Variants in WWOX observed in about 807,000 individuals in gnomAD.
The protein encoded by WWOX is WW domain-containing oxidoreductase.
A neutral mutation model predicts 46.2 loss-of-function variants in WWOX; 69 were observed. The observed-to-expected ratio is 1.49, with a 90% CI of 1.23 to 1.82. WWOX has a LOEUF of 1.82. Among genes scored for constraint, WWOX ranks in the 40% most tolerant of loss-of-function variants. WWOX has a pLI of 0.00. For missense variants in WWOX, 919 were observed against 542.6 expected, an observed-to-expected ratio of 1.69 and a Z score of -6.89; for synonymous variants, 359 against 202.6, an observed-to-expected ratio of 1.77 and a Z score of -6.56.
At chr16:78,842,095 T>C (rs1176205613) in intron 8 of WWOX, among the ~76,000 whole-genome samples, 1 of 152,162 alleles carries the variant, frequency 6.6e-6, no homozygotes, top group Non-Finnish European at 1.5e-5. Flanking sequence ...GGAAGTGTGT[T>C]TTGAACTGAG....
chr16:78,353,854 C>A (rs371400647), intron 5 of WWOX, among the ~76,000 whole-genome samples: 1 of 152,182 alleles, frequency 6.6e-6, no homozygotes, highest in Admixed American at 6.5e-5. Context: ...TTTACCCTTG[C>A]CCTTGATGTG....
At chr16:78,448,341 C>T (rs769195560) in intron 8 of WWOX, among the ~76,000 whole-genome samples, 21 of 152,052 alleles carry the variant, frequency 1.4e-4, no homozygotes, top group Non-Finnish European at 2.5e-4. Context: ...AACAAGTTAC[C>T]TCAATATTTA....
intron 8 of WWOX, chr16:78,898,827 A>C (rs947479018): frequency 1.3e-5 from 2 of 152,150 alleles, no homozygotes; most frequent in African/African-American, 4.8e-5. Context: ...TGGAGGTCTT[A>C]TACTTTTTTG....
intron 8 of WWOX, among the ~76,000 whole-genome samples, chr16:78,904,362 C>T (rs528408742): frequency 1.3e-5 from 2 of 151,058 alleles, no homozygotes; most frequent in South Asian, 4.2e-4. Context: ...CCTCAGCGTC[C>T]TGAGTAGCTG....
Position 78,656,615 on chromosome 16 carries a change from G to A in WWOX, c.1056+223863G>A, listed in dbSNP as rs538786317. ...CATGAGAACAGCAAGGGGGAAATCA[G>A]CCCTCTGATCCAACCACCTCCCACC... On this transcript the variant is annotated intron_variant, in intron 8 of 8. Coordinates refer to ENST00000566780, the MANE Select transcript of WWOX (RefSeq NM_016373.4). 4.6e-5 allele frequency among the ~76,000 whole-genome samples: 7 copies of A among 152,246 alleles called. No homozygotes were observed. In the South Asian group the frequency reaches 1.5e-3, roughly 32 times the overall value.
At chr16:78,560,261 C>A (rs1332232002) in intron 8 of WWOX, among the ~76,000 whole-genome samples, 2 of 152,108 alleles carry the variant, frequency 1.3e-5, no homozygotes, top group Non-Finnish European at 2.9e-5. Flanking sequence ...TTCTTTCTTG[C>A]CTTTGAGTAA....
At chr16:78,483,611 C>T (rs1956454349) in intron 8 of WWOX, among the ~76,000 whole-genome samples, 1 of 152,112 alleles carries the variant, frequency 6.6e-6, no homozygotes, top group Non-Finnish European at 1.5e-5. Flanking sequence ...TGACCCCCTT[C>T]ACATACTTAT....
intron 6 of WWOX, among the ~76,000 whole-genome samples, chr16:78,394,148 C>G (rs1362372423): frequency 6.6e-6 from 1 of 152,092 alleles, no homozygotes; most frequent in Non-Finnish European, 1.5e-5. Context: ...TTCTCCCTAG[C>G]TCGGTTTTAA....
chr16:79,065,445 A>G (rs2048424025), intron 8 of WWOX, among the ~76,000 whole-genome samples: 1 of 152,314 alleles, frequency 6.6e-6, no homozygotes, highest in South Asian at 2.1e-4. Context: ...TGAAGTGTGG[A>G]AAATGGTCCT....
At chr16:79,183,321 C>G (rs1046188656) in intron 8 of WWOX, among the ~76,000 whole-genome samples, 1 of 152,056 alleles carries the variant, frequency 6.6e-6, no homozygotes, top group East Asian at 1.9e-4. Flanking sequence ...CTTTGTCCTC[C>G]CAGAAGGAAA....
At chr16:78,153,249 G>A (rs902796067) in intron 4 of WWOX, among the ~76,000 whole-genome samples, 50 of 152,154 alleles carry the variant, frequency 3.3e-4, no homozygotes, top group Non-Finnish European at 2.5e-4. Context: ...TAGGCGTGGT[G>A]TACTTCTTAG....
chr16:78,411,460 G>A (rs1414647183), intron 6 of WWOX, among the ~76,000 whole-genome samples: 1 of 152,140 alleles, frequency 6.6e-6, no homozygotes, highest in Non-Finnish European at 1.5e-5. Flanking sequence ...CACGAATAAA[G>A]ACCCAGACTT....
chr16:78,352,722 C>G (rs924278647), intron 5 of WWOX, among the ~76,000 whole-genome samples: 5 of 152,288 alleles, frequency 3.3e-5, no homozygotes, highest in Non-Finnish European at 7.4e-5. Flanking sequence ...AGTTCATGAA[C>G]ATATTGGGGT....
chr16:79,038,321 T>C (rs1483388932), intron 8 of WWOX, among the ~76,000 whole-genome samples: 2 of 152,152 alleles, frequency 1.3e-5, no homozygotes, highest in African/African-American at 2.4e-5. Flanking sequence ...ACAGTGATTT[T>C]AATGAAAAAT....
intron 1 of WWOX, among the ~76,000 whole-genome samples, chr16:78,104,780 TAAAA>T (rs200389262): frequency 1.3e-5 from 2 of 152,048 alleles, no homozygotes; most frequent in African/African-American, 4.8e-5. Context: ...TTATATTTAT[TAAAA>T]AAAAGTCTTC....
chr16:78,949,078 C>T (rs1287636418), intron 8 of WWOX, among the ~76,000 whole-genome samples: 3 of 152,108 alleles, frequency 2.0e-5, no homozygotes, highest in Non-Finnish European at 2.9e-5. Context: ...GACCTTCCAC[C>T]TACAATAGCA....
Position 79,019,188 on chromosome 16 carries a change from A to AAAAGAAAAAG in WWOX, c.1057-192417_1057-192416insGAAAAAGAAA, listed in dbSNP as rs774177787. Among the ~76,000 whole-genome samples the AAAAGAAAAAG allele has an allele frequency of 9.8e-5, 6 of 60,938 alleles. No individual in the cohort carries two copies. In the East Asian group the frequency reaches 3.0e-3, roughly 31 times the overall value. 40.0% of individuals were successfully genotyped at this position (60,938 alleles called of 152,430 possible). ...AAAAAAAAAAAAAAAAAAAAAAAGA[A>AAAAGAAAAAG]AAAAAAAAGTTGGAATGACATCAGA... On this transcript the variant is annotated intron_variant, in intron 8 of 8. Transcript: ENST00000566780.
chr16:78,921,418 T>C (rs1567650482), intron 8 of WWOX, among the ~76,000 whole-genome samples: 2 of 152,222 alleles, frequency 1.3e-5, no homozygotes, highest in Non-Finnish European at 2.9e-5. Context: ...GGAGAGTAGA[T>C]AGAATCCTGA....
chr16:78,534,854 C>T (rs1010544455), intron 8 of WWOX, among the ~76,000 whole-genome samples: 3 of 152,000 alleles, frequency 2.0e-5, no homozygotes, highest in East Asian at 1.9e-4. Context: ...GCTGGGACTA[C>T]AGGTGCGCGC....
Sources: allele counts gnomAD v4.1 joint callset (sites outside exome capture counted in the v4.1 genomes callset), GRCh38; gene constraint gnomAD v4.1.1; transcripts MANE v1.5; gene names NCBI Gene and HGNC (gene_info 2026-07-23, HGNC 2026-07-21).